CLVS1: variants seen among roughly 807,000 people sequenced by gnomAD.
The protein encoded by CLVS1 is clavesin 1.
In CLVS1, 10 loss-of-function variants were observed where a neutral mutation model predicts 33.1. The ratio of observed to expected loss-of-function variants is 0.30; its 90% CI spans 0.19 to 0.51. The LOEUF is 0.51. Among genes scored for constraint, CLVS1 ranks in the 20% least tolerant of loss-of-function variants. The probability of loss-of-function intolerance (pLI) is 0.97; values close to 1 mark genes in which losing one functional copy is unlikely to be tolerated. For synonymous variants in CLVS1, 163 were observed against 166.1 expected (o/e 0.98, Z 0.14); for missense variants, 343 against 433.4 (o/e 0.79, Z 1.85).
the CLVS1 span, among the ~76,000 whole-genome samples, chr8:61,049,353 T>C: frequency 6.6e-6 from 1 of 152,244 alleles, no homozygotes; most frequent in African/African-American, 2.4e-5. Context: ...TTTTCTCCAT[T>C]GAATTTTCTT....
chr8:61,112,179 T>G (rs1418259511), intron 1 of CLVS1, among the ~76,000 whole-genome samples: 1 of 89,110 alleles, frequency 1.1e-5, no homozygotes, highest in Non-Finnish European at 2.1e-5. Context: ...TTCTCCGTGC[T>G]ACACACACAC....
chr8:61,302,299 CAT>C (rs1810465759), intron 2 of CLVS1, among the ~76,000 whole-genome samples: 2 of 152,214 alleles, frequency 1.3e-5, no homozygotes, highest in Admixed American at 1.3e-4. Context: ...TATCATATAT[CAT>C]ATCATAATTA....
intron 2 of CLVS1, among the ~76,000 whole-genome samples, chr8:61,317,453 C>T (rs1187988058): frequency 2.0e-5 from 3 of 152,086 alleles, no homozygotes; most frequent in Non-Finnish European, 4.4e-5. Context: ...GGATATTCTC[C>T]CACATCTTCA....
intron 2 of CLVS1, among the ~76,000 whole-genome samples, chr8:61,223,267 T>C (rs1808259714): frequency 1.3e-5 from 2 of 152,228 alleles, no homozygotes; most frequent in East Asian, 1.9e-4. Flanking sequence ...TGTTTCTTCA[T>C]AGTGTCATTG....
At chr8:61,251,807 C>A (rs1304569702) in intron 2 of CLVS1, among the ~76,000 whole-genome samples, 2 of 151,808 alleles carry the variant, frequency 1.3e-5, no homozygotes, top group Admixed American at 6.6e-5. Context: ...TCTCTCTTTT[C>A]TTCTTTATTA....
At chr8:61,210,379 T>C (rs1563446449) in intron 2 of CLVS1, among the ~76,000 whole-genome samples, 2 of 152,228 alleles carry the variant, frequency 1.3e-5, no homozygotes, top group Non-Finnish European at 1.5e-5. Flanking sequence ...GCCTCAGAAC[T>C]GTGAGAAATA....
chr8:61,322,991 AGTGT>A (rs2129596465), intron 2 of CLVS1, among the ~76,000 whole-genome samples: 1 of 152,234 alleles, frequency 6.6e-6, no homozygotes, highest in South Asian at 2.1e-4. Context: ...TCCTTAAGGA[AGTGT>A]GTATTTTCTC....
intron 1 of CLVS1, among the ~76,000 whole-genome samples, chr8:61,081,453 T>A (rs191098225): frequency 0.059 from 8,887 of 151,838 alleles, 283 homozygotes; most frequent in Middle Eastern, 0.12. Context: ...TGTTAAGAGC[T>A]ACAGGGGGTA....
intron 2 of CLVS1, among the ~76,000 whole-genome samples, chr8:61,322,609 A>G (rs1433438299): frequency 6.6e-6 from 1 of 152,174 alleles, no homozygotes; most frequent in Non-Finnish European, 1.5e-5. Context: ...TTATTAAGTA[A>G]TAAATATAGA....
chr8:61,448,694 A>G lies in CLVS1; in HGVS notation c.631-5447A>G, dbSNP rs982838125. Among the ~76,000 whole-genome samples, 7 of 151,048 alleles carry G rather than the reference A, an allele frequency of 4.6e-5. No individual in the cohort carries two copies. The South Asian group carries it at 8.3e-4, about 18-fold the overall frequency. ...AGTCTGAGACCAGCCTGGGCAACAT[A>G]GTGAGACCCTCTCTCTCAAAAAAAA... On this transcript the variant is annotated intron_variant, in intron 3 of 5. Coordinates refer to ENST00000325897, the MANE Select transcript of CLVS1 (RefSeq NM_173519.3).
At chr8:61,331,649 T>G (rs1033250363) in intron 2 of CLVS1, among the ~76,000 whole-genome samples, 18 of 152,104 alleles carry the variant, frequency 1.2e-4, no homozygotes, top group Non-Finnish European at 2.5e-4. Context: ...GGCATAACAC[T>G]TCCTCTCTAA....
chr8:61,407,104 T>C (rs1484297281), intron 3 of CLVS1, among the ~76,000 whole-genome samples: 1 of 152,226 alleles, frequency 6.6e-6, no homozygotes, highest in Non-Finnish European at 1.5e-5. Flanking sequence ...GTACATTACA[T>C]CGCACATAAT....
chr8:61,420,485 C>T (rs567892953), intron 3 of CLVS1, among the ~76,000 whole-genome samples: 11 of 152,126 alleles, frequency 7.2e-5, no homozygotes, highest in African/African-American at 1.4e-4. Context: ...GCCTGTAGTC[C>T]GAGCTACTCG....
the CLVS1 span, among the ~76,000 whole-genome samples, chr8:60,987,577 T>A: frequency 6.6e-6 from 1 of 152,174 alleles, no homozygotes; most frequent in African/African-American, 2.4e-5. Context: ...AAATAAATGA[T>A]ATCTTTCAAT....
At chr8:61,042,753 G>A in the CLVS1 span, among the ~76,000 whole-genome samples, 7 of 152,184 alleles carry the variant, frequency 4.6e-5, no homozygotes, top group Admixed American at 4.6e-4. Flanking sequence ...GGCATTGGAA[G>A]GGAACAAGAA....
the CLVS1 span, among the ~76,000 whole-genome samples, chr8:60,984,985 G>A: frequency 2.0e-5 from 3 of 152,082 alleles, no homozygotes; most frequent in African/African-American, 4.8e-5. Flanking sequence ...TCAACACAGC[G>A]CTGCCCACCC....
In CLVS1 at chr8:61,216,629, A is replaced by G. The variant is rs111866868; in HGVS notation, c.-151-83048A>G. Among the ~76,000 whole-genome samples the G allele has an allele frequency of 3.0e-4, 45 of 152,298 alleles. 2 individuals carry two copies. The highest frequency in any genetic ancestry group is 1.1e-3 in the African/African-American group (45 of 41,572). On this transcript the variant is annotated intron_variant, in intron 2 of 2. Coordinates refer to the CLVS1 transcript ENST00000522621. ...TATAAGATGACAGTTTAGTAATAGTATTTTATCCAGGGCAGTGAAAAAATA... is the reference window on the plus strand; with the variant it reads ...TATAAGATGACAGTTTAGTAATAGTGTTTTATCCAGGGCAGTGAAAAAATA...
intron 3 of CLVS1, among the ~76,000 whole-genome samples, chr8:61,383,342 A>G (rs1813959512): frequency 6.6e-6 from 1 of 152,158 alleles, no homozygotes; most frequent in African/African-American, 2.4e-5. Context: ...GCTGAAATGC[A>G]CCTCTTTCAT....
At chr8:60,978,405 A>G in the CLVS1 span, among the ~76,000 whole-genome samples, 10 of 152,334 alleles carry the variant, frequency 6.6e-5, no homozygotes, top group East Asian at 1.9e-3. Context: ...AACAAGGAAG[A>G]ATGGAAATAT....
Sources: allele counts gnomAD v4.1 joint callset (sites outside exome capture counted in the v4.1 genomes callset), GRCh38; gene constraint gnomAD v4.1.1; transcripts MANE v1.5; gene names NCBI Gene and HGNC (gene_info 2026-07-23, HGNC 2026-07-21).